ZNF813: variants seen among roughly 807,000 people sequenced by gnomAD.
ZNF813 encodes zinc finger protein 813.
Under a neutral mutation model 7.2 loss-of-function variants are expected in ZNF813, and 3 were observed. That is an observed-to-expected ratio of 0.42 (90% CI 0.19 to 1.08). The LOEUF (loss-of-function observed/expected upper bound fraction) is 1.08. ZNF813 is among the 50% of genes least tolerant of loss of function. The pLI is 0.30. For missense variants in ZNF813, 714 were observed against 753.3 expected (o/e 0.95, Z 0.61); for synonymous variants, 227 against 256.3 (o/e 0.89, Z 1.09).
chr19:53,481,691 T>A (rs2086409301), intron 1 of ZNF813, among the ~76,000 whole-genome samples: 1 of 152,166 alleles, frequency 6.6e-6, no homozygotes, highest in Non-Finnish European at 1.5e-5. Context: ...ATGTCTTAGT[T>A]CTACAGCTGA....
At chr19:53,484,942 C>T (rs2086425267) in intron 2 of ZNF813, among the ~76,000 whole-genome samples, 1 of 152,142 alleles carries the variant, frequency 6.6e-6, no homozygotes, top group South Asian at 2.1e-4. Flanking sequence ...GGTAAAACTC[C>T]AAGCAAAGCT....
At chr19:53,482,293 A>G (rs1398483604) in intron 1 of ZNF813, among the ~76,000 whole-genome samples, 2 of 152,208 alleles carry the variant, frequency 1.3e-5, no homozygotes, top group African/African-American at 4.8e-5. Flanking sequence ...ACATCACAGC[A>G]AAATCTAAAG....
At chr19:53,470,164 T>TTCCTTCCTTCCCTCC (rs2086350776) in intron 1 of ZNF813, among the ~76,000 whole-genome samples, 2 of 145,650 alleles carry the variant, frequency 1.4e-5, no homozygotes, top group Admixed American at 6.9e-5. Flanking sequence ...TTTCTTTTTC[T>TTCCTTCCTTCCCTCC]TTTCTTTTCT....
At chr19:53,487,962 T>C (rs1341833538) in intron 3 of ZNF813, among the ~76,000 whole-genome samples, 1 of 152,208 alleles carries the variant, frequency 6.6e-6, no homozygotes, top group Non-Finnish European at 1.5e-5. Context: ...AAAGTTGAAT[T>C]ATGAAGAAAA....
chr19:53,480,227 C>T (rs2086401491), intron 1 of ZNF813: 1 of 754,110 alleles, frequency 1.3e-6, no homozygotes, highest in Non-Finnish European at 2.4e-6. Flanking sequence ...CCACCCCCTC[C>T]TCCCCTGCCT....
chr19:53,473,829 C>G (rs187210469), intron 1 of ZNF813, among the ~76,000 whole-genome samples: 1 of 152,084 alleles, frequency 6.6e-6, no homozygotes, highest in African/African-American at 2.4e-5. Context: ...GCCGACTGAA[C>G]GAACTCTCAT....
At chr19:53,485,612 A>G (rs1009054101) in intron 2 of ZNF813, among the ~76,000 whole-genome samples, 17 of 150,888 alleles carry the variant, frequency 1.1e-4, no homozygotes, top group Non-Finnish European at 1.6e-4. Flanking sequence ...ATATATCGTG[A>G]TATATACATG....
At chr19:53,482,723 T>G (rs561002632) in intron 1 of ZNF813, among the ~76,000 whole-genome samples, 19,151 of 126,298 alleles carry the variant, frequency 0.15, 1,848 homozygotes, top group East Asian at 0.24. Context: ...TTTTTTTTTT[T>G]TTTTTTTTTT....
intron 1 of ZNF813, among the ~76,000 whole-genome samples, chr19:53,476,752 C>T (rs1031063488): frequency 6.6e-5 from 10 of 152,104 alleles, no homozygotes; most frequent in South Asian, 2.1e-4. Flanking sequence ...CTCCTCCCGC[C>T]TCCTGGGTTC....
chr19:53,468,443 C>T (rs532297025), intron 1 of ZNF813, among the ~76,000 whole-genome samples: 1 of 152,282 alleles, frequency 6.6e-6, no homozygotes, highest in East Asian at 1.9e-4. Context: ...GGACAGTGGG[C>T]CCAGGGGACC....
chr19:53,477,506 G>A (rs1262355368), intron 1 of ZNF813, among the ~76,000 whole-genome samples: 1 of 152,028 alleles, frequency 6.6e-6, no homozygotes, highest in African/African-American at 2.4e-5. Flanking sequence ...CTACTTGAGT[G>A]TGAGGTTGCA....
intron 2 of ZNF813, among the ~76,000 whole-genome samples, chr19:53,485,947 G>A (rs569724697): frequency 1.3e-5 from 2 of 152,232 alleles, no homozygotes; most frequent in South Asian, 2.1e-4. Flanking sequence ...TGCCCAGGCC[G>A]GAGTGCAATG....
Position 53,492,037 on chromosome 19 carries a change from C to G in ZNF813, c.1805C>G (p.Thr602Ser), listed in dbSNP as rs879936287. 2.5e-6 allele frequency: 4 copies of G among 1,613,664 alleles called. No individual in the cohort carries two copies. Among genetic ancestry groups the G allele is most frequent in the African/African-American group, 2.7e-5 (2 of 74,886 alleles). ...CTTGCACGTCATCATAGACTTCATA[C>G]TGGAGAGAAACCTTACAAGTTTAAT... is the stretch of plus-strand genomic sequence containing the variant. ...ANLARHHRLHTGEKPYKFNEC... is the reference protein window; with the variant it reads ...ANLARHHRLHSGEKPYKFNEC... The change falls in exon 4 of 4, where the codon ACT becomes AGT. Residue 602 changes from threonine to serine, a missense_variant. This residue lies in a region of ZNF813 where 122 missense variants were observed against 146.8 expected (regional missense o/e 0.83). Coordinates refer to ENST00000396403, the MANE Select transcript of ZNF813 (RefSeq NM_001004301.4).
chr19:53,486,146 T>C (rs1158595667), intron 2 of ZNF813, among the ~76,000 whole-genome samples: 2 of 152,164 alleles, frequency 1.3e-5, no homozygotes, highest in African/African-American at 2.4e-5. Flanking sequence ...AGATACTGAA[T>C]GTCACTTGCT....
intron 1 of ZNF813, among the ~76,000 whole-genome samples, chr19:53,469,740 A>G (rs949192636): frequency 1.0e-3 from 104 of 101,736 alleles, no homozygotes; most frequent in African/African-American, 3.4e-3. Context: ...TGGTGGCAAG[A>G]ACAGAGGGAG....
In ZNF813 at chr19:53,491,636, G is replaced by A. The variant is rs375307090; in HGVS notation, c.1404G>A (p.Lys468=). Reference sequence around the variant, plus strand: ...TTCATATTGGAGAGAAACGTTACAAGTGTAATGAGTGTGGCAAGACGTTCA... The same window carrying A: ...TTCATATTGGAGAGAAACGTTACAAATGTAATGAGTGTGGCAAGACGTTCA... The part of the protein sequence containing the change: ...KAIHIGEKRY[K]CNECGKTFSR... The change falls in exon 4 of 4, where the codon AAG becomes AAA. Residue 468 remains lysine, a synonymous_variant. Transcript: ENST00000396403. The A allele has an allele frequency of 2.5e-6, 4 of 1,613,926 alleles. No homozygotes were observed. The highest frequency in any genetic ancestry group is 2.5e-6 in the Non-Finnish European group (3 of 1,179,858).
chr19:53,491,242 G>T lies in ZNF813; in HGVS notation c.1010G>T (p.Ser337Ile), dbSNP rs1444948219. ...YKCNECGKTFSQTSSLTCHRR... is the reference protein window; with the variant it reads ...YKCNECGKTFIQTSSLTCHRR... ...TGTAATGAATGTGGCAAGACCTTTAGTCAGACGTCATCCCTTACATGCCAT... is the reference window on the plus strand; with the variant it reads ...TGTAATGAATGTGGCAAGACCTTTATTCAGACGTCATCCCTTACATGCCAT... Residue 337 changes from serine (S) to isoleucine (I), a missense_variant, in exon 4 of 4, where the codon AGT (serine) becomes ATT (isoleucine). Ser to Ile is a moderately radical substitution (Grantham distance 142, BLOSUM62 -2). Coordinates refer to ENST00000396403, the MANE Select transcript of ZNF813 (RefSeq NM_001004301.4). The T allele has an allele frequency of 1.2e-6, 2 of 1,613,622 alleles. No homozygotes were observed. Among genetic ancestry groups the T allele is most frequent in the Non-Finnish European group, 1.7e-6 (2 of 1,179,760 alleles).
chr19:53,482,427 C>T (rs2086412761), intron 1 of ZNF813, among the ~76,000 whole-genome samples: 1 of 152,224 alleles, frequency 6.6e-6, no homozygotes, highest in Non-Finnish European at 1.5e-5. Context: ...TGTCCAGCCT[C>T]CTCCTGGGAG....
Position 53,492,919 on chromosome 19 carries a change from C to A in ZNF813, c.*833C>A. On this transcript the variant is annotated 3_prime_UTR_variant, in exon 4 of 4. Coordinates refer to ENST00000396403, the MANE Select transcript of ZNF813 (RefSeq NM_001004301.4). ...AAGCCTTTACTTCACGTTCACACCT[C>A]CTTAGACATCAGAGAATGCACACTG... 1 of 482,852 alleles carries A rather than the reference C, an allele frequency of 2.1e-6. No individual in the cohort carries two copies. Among genetic ancestry groups the A allele is most frequent in the South Asian group, 1.5e-5 (1 of 66,116 alleles). The allele number at this position is 482,852 out of a possible 1,614,324, so 29.9% of individuals were successfully genotyped here.
Sources: allele counts gnomAD v4.1 joint callset (sites outside exome capture counted in the v4.1 genomes callset), GRCh38; gene constraint gnomAD v4.1.1; regional missense constraint gnomAD v4.1.1; transcripts MANE v1.5; gene names NCBI Gene and HGNC (gene_info 2026-07-23, HGNC 2026-07-21).